The following GLIS1 variants were observed in gnomAD, a reference collection of about 807,000 sequenced individuals.
The protein encoded by GLIS1 is zinc finger protein GLIS1.
Under a neutral mutation model 63.8 loss-of-function variants are expected in GLIS1, and 24 were observed. The ratio of observed to expected loss-of-function variants is 0.38; its 90% confidence interval spans 0.27 to 0.53. The LOEUF is 0.53. Among genes scored for constraint, GLIS1 ranks in the 20% least tolerant of loss-of-function variants. GLIS1 has a pLI of 0.85. For synonymous variants in GLIS1, 450 were observed against 482.5 expected, an observed-to-expected ratio of 0.93 and a Z score of 0.88; for missense variants, 1,036 against 1,074.1, an observed-to-expected ratio of 0.96 and a Z score of 0.50.
At chr1:53,643,896 G>T (rs1332699917) in intron 2 of GLIS1, among the ~76,000 whole-genome samples, 1 of 152,206 alleles carries the variant, frequency 6.6e-6, no homozygotes, top group African/African-American at 2.4e-5. Flanking sequence ...CCACACGATA[G>T]AAGAGGAAGA....
chr1:53,628,101 T>G (rs1317244113), intron 2 of GLIS1, among the ~76,000 whole-genome samples: 1 of 152,134 alleles, frequency 6.6e-6, no homozygotes, highest in African/African-American at 2.4e-5. Context: ...AAGTGACCCA[T>G]GCACTTCTCC....
chr1:53,695,737 G>A (rs983739045), intron 2 of GLIS1, among the ~76,000 whole-genome samples: 2 of 152,198 alleles, frequency 1.3e-5, no homozygotes, highest in East Asian at 1.9e-4. Flanking sequence ...GTGCCGCACC[G>A]GGACCCAAAA....
Position 53,524,778 on chromosome 1 carries a change from T to A in GLIS1, c.1592A>T (p.Lys531Met). 1.9e-6 allele frequency: 3 copies of A among 1,612,254 alleles called. No homozygotes were observed. The highest frequency in any genetic ancestry group is 2.5e-6 in the Non-Finnish European group (3 of 1,178,864). ...HSAKEQQVRKKLHAGPDTEAD... is the reference protein window; with the variant it reads ...HSAKEQQVRKMLHAGPDTEAD... ...GCCAGATGAGGAGGGCTGGCTTACC[T>A]TCTTACGCACCTGCTGCTCTTTGGC... is the stretch of plus-strand genomic sequence containing the variant. The change falls in exon 6 of 11, where the codon AAG becomes ATG. Residue 531 changes from lysine (K) to methionine (M), a missense_variant and splice_region_variant. Physicochemically the swap from Lys to Met is moderately conservative, Grantham distance 95 (BLOSUM62 -1). Around this residue, in one of 3 missense-constraint regions of GLIS1, gnomAD observed 400 missense variants for 400.9 expected, o/e 1.00. Transcript: ENST00000628545.
chr1:53,621,851 G>A (rs566157730), intron 2 of GLIS1, among the ~76,000 whole-genome samples: 2 of 151,604 alleles, frequency 1.3e-5, no homozygotes, highest in Admixed American at 6.6e-5. Flanking sequence ...TCTCACTCTC[G>A]CCAGGTTGGA....
At chr1:53,576,702 G>A (rs184404984) in intron 4 of GLIS1, among the ~76,000 whole-genome samples, 7 of 152,148 alleles carry the variant, frequency 4.6e-5, no homozygotes, top group East Asian at 1.9e-4. Flanking sequence ...TGACCACAAC[G>A]TGCACACACA....
chr1:53,715,064 A>T (rs1225629614), intron 2 of GLIS1, among the ~76,000 whole-genome samples: 2 of 152,146 alleles, frequency 1.3e-5, no homozygotes, highest in Non-Finnish European at 2.9e-5. Flanking sequence ...CTACAGGTGC[A>T]TGCCACCAGG....
At chr1:53,557,683 T>C (rs945637546) in intron 4 of GLIS1, among the ~76,000 whole-genome samples, 10 of 152,188 alleles carry the variant, frequency 6.6e-5, no homozygotes, top group Non-Finnish European at 1.2e-4. Flanking sequence ...TACCAAGAAA[T>C]ATCTTGTCAC....
chr1:53,721,424 C>T (rs1019534032), intron 2 of GLIS1, among the ~76,000 whole-genome samples: 21 of 152,098 alleles, frequency 1.4e-4, no homozygotes, highest in African/African-American at 5.1e-4. Context: ...AAGCCTGGAC[C>T]GTAAACACCA....
Position 53,514,629 on chromosome 1 carries a change from C to G in GLIS1, c.1879G>C (p.Asp627His). Residue 627 changes from aspartate (D) to histidine (H), a missense_variant, in exon 8 of 11, where the codon GAT becomes CAT. Transcript: ENST00000628545. ...SPLPMAESTR[D>H]GLGPGLLSPI... ...GGACTGGCCTGGTGTACATACCCAT[C>G]CCGGGTGCTCTCAGCCATGGGCAGA... 1 of 1,613,130 alleles carries G rather than the reference C, an allele frequency of 6.2e-7. No individual in the cohort carries two copies. The highest frequency in any genetic ancestry group is 8.5e-7 in the Non-Finnish European group (1 of 1,179,722).
chr1:53,672,421 T>C (rs1646162345), intron 2 of GLIS1, among the ~76,000 whole-genome samples: 2 of 152,210 alleles, frequency 1.3e-5, no homozygotes, highest in African/African-American at 4.8e-5. Flanking sequence ...TCCTATCTGT[T>C]AACTCCTACA....
chr1:53,638,627 C>T lies in GLIS1; in HGVS notation c.260-38349G>A, dbSNP rs769906522. 3.9e-5 allele frequency among the ~76,000 whole-genome samples: 6 copies of T among 152,168 alleles called. 1 individual carries two copies. Among genetic ancestry groups the T allele is most frequent in the Non-Finnish European group, 5.9e-5 (4 of 68,038 alleles). ...CATGGAGCAATGGCAAAGACCCTGG[C>T]GTCTGGGGGCAGAGAGTCCAGTGTC... On this transcript the variant is annotated intron_variant, in intron 2 of 10. Transcript: ENST00000628545.
chr1:53,561,649 G>C (rs906934564), intron 4 of GLIS1, among the ~76,000 whole-genome samples: 3 of 152,202 alleles, frequency 2.0e-5, no homozygotes, highest in Non-Finnish European at 2.9e-5. Context: ...GGCCTGGGGT[G>C]GGGGCTGGCT....
intron 10 of GLIS1, 53 bp downstream of exon 10, chr1:53,509,067 G>A: frequency 6.7e-7 from 1 of 1,489,264 alleles, no homozygotes; most frequent in Non-Finnish European, 9.1e-7. Context: ...ACCCAGCACT[G>A]GGTTGAGCCT....
intron 2 of GLIS1, among the ~76,000 whole-genome samples, chr1:53,683,819 G>A (rs1646301898): frequency 1.3e-5 from 2 of 152,158 alleles, no homozygotes; most frequent in African/African-American, 4.8e-5. Context: ...TGCTGGGGAT[G>A]CTGCAGAAGG....
At chr1:53,543,378 G>T (rs1191544544) in intron 4 of GLIS1, among the ~76,000 whole-genome samples, 3 of 152,144 alleles carry the variant, frequency 2.0e-5, no homozygotes. Flanking sequence ...TAGACAGAAG[G>T]TGCCACCGTA....
chr1:53,562,456 A>C (rs1363820141), intron 4 of GLIS1, among the ~76,000 whole-genome samples: 2 of 151,958 alleles, frequency 1.3e-5, no homozygotes, highest in African/African-American at 4.8e-5. Context: ...GTGGAAATGC[A>C]CTCCCACACC....
At chr1:53,705,875 C>T (rs922694883) in intron 2 of GLIS1, among the ~76,000 whole-genome samples, 5 of 152,128 alleles carry the variant, frequency 3.3e-5, no homozygotes, top group Non-Finnish European at 7.4e-5. Context: ...CCGGGAAGTC[C>T]GAGGAAGGCC....
At position 53,603,001 on chromosome 1, in the gene GLIS1, G is replaced by A. The variant is rs559351769; in HGVS notation, c.260-2723C>T. Among the ~76,000 whole-genome samples the A allele has an allele frequency of 5.9e-5, 9 of 152,342 alleles. No individual in the cohort carries two copies. In the South Asian group the frequency reaches 8.3e-4, roughly 14 times the overall value. ...GATACAAAGGCTCAGAATGGTCAAA[G>A]CAGTTTGCCAAGGTCACACAGGGAA... On this transcript the variant is annotated intron_variant, in intron 2 of 10. Transcript: ENST00000628545.
At chr1:53,686,223 G>C (rs1227418983) in intron 2 of GLIS1, among the ~76,000 whole-genome samples, 1 of 152,196 alleles carries the variant, frequency 6.6e-6, no homozygotes, top group African/African-American at 2.4e-5. Flanking sequence ...AAATGAGGGA[G>C]GAAGGAAGGA....
Sources: allele counts gnomAD v4.1 joint callset (sites outside exome capture counted in the v4.1 genomes callset), GRCh38; gene constraint gnomAD v4.1.1; regional missense constraint gnomAD v4.1.1; transcripts MANE v1.5; gene names NCBI Gene and HGNC (gene_info 2026-07-23, HGNC 2026-07-21).